The following MARCHF4 variants were observed in gnomAD, a reference collection of about 807,000 sequenced individuals.
MARCHF4 encodes E3 ubiquitin-protein ligase MARCHF4.
A neutral mutation model predicts 43.9 loss-of-function variants in MARCHF4; 14 were observed. The ratio of observed to expected loss-of-function variants is 0.32; its 90% CI spans 0.21 to 0.50. MARCHF4 has a LOEUF of 0.50. Among genes scored for constraint, MARCHF4 ranks in the 20% least tolerant of loss-of-function variants. The pLI, the probability that MARCHF4 is intolerant of heterozygous loss-of-function variation, is 0.98. For missense variants in MARCHF4, 468 were observed against 536.7 expected (o/e 0.87, Z 1.27); for synonymous variants, 226 against 213.3 (o/e 1.06, Z -0.52).
intron 2 of MARCHF4, among the ~76,000 whole-genome samples, chr2:216,281,400 G>C (rs1191713211): frequency 6.6e-6 from 1 of 152,192 alleles, no homozygotes; most frequent in East Asian, 1.9e-4. Context: ...TGAACCAGGA[G>C]GTAAGAGAAC....
intron 1 of MARCHF4, among the ~76,000 whole-genome samples, chr2:216,294,449 T>A (rs1022124978): frequency 3.3e-5 from 5 of 152,268 alleles, no homozygotes; most frequent in Non-Finnish European, 4.4e-5. Flanking sequence ...ACTTCACTAA[T>A]GTTCCGGATC....
intron 3 of MARCHF4, among the ~76,000 whole-genome samples, chr2:216,262,284 T>C (rs993852327): frequency 6.6e-6 from 1 of 152,182 alleles, no homozygotes; most frequent in African/African-American, 2.4e-5. Flanking sequence ...GTGAATCTAG[T>C]TACTGGTTGT....
intron 1 of MARCHF4, among the ~76,000 whole-genome samples, chr2:216,327,590 A>G (rs1692015890): frequency 6.6e-6 from 1 of 152,210 alleles, no homozygotes; most frequent in African/African-American, 2.4e-5. Context: ...TTCAGCGCTT[A>G]GCAACACTTA....
chr2:216,331,856 G>A (rs1559101513), intron 1 of MARCHF4, among the ~76,000 whole-genome samples: 1 of 151,998 alleles, frequency 6.6e-6, no homozygotes, highest in African/African-American at 2.4e-5. Flanking sequence ...AAACTCTTAA[G>A]GTAAAAATAA....
At chr2:216,289,237 GC>G (rs1219770448) in intron 1 of MARCHF4, among the ~76,000 whole-genome samples, 8 of 131,800 alleles carry the variant, frequency 6.1e-5, no homozygotes, top group Non-Finnish European at 9.4e-5. Flanking sequence ...TTCCCCACCC[GC>G]CCCCCACCCA....
chr2:216,270,516 C>G (rs1465750231), intron 3 of MARCHF4, among the ~76,000 whole-genome samples: 1 of 152,142 alleles, frequency 6.6e-6, no homozygotes, highest in Non-Finnish European at 1.5e-5. Flanking sequence ...AGGCCTCTCC[C>G]TCTTTCTACC....
At chr2:216,288,244 C>A (rs982464151) in intron 1 of MARCHF4, among the ~76,000 whole-genome samples, 1 of 152,180 alleles carries the variant, frequency 6.6e-6, no homozygotes, top group Non-Finnish European at 1.5e-5. Context: ...GGATTACAGG[C>A]GTGAGCCATT....
At chr2:216,348,210 T>C (rs558160527) in intron 1 of MARCHF4, among the ~76,000 whole-genome samples, 1 of 151,980 alleles carries the variant, frequency 6.6e-6, no homozygotes, top group East Asian at 1.9e-4. Flanking sequence ...GCTAATTTTG[T>C]ATTTTTAGTA....
At chr2:216,324,067 G>C (rs1469493656) in intron 1 of MARCHF4, among the ~76,000 whole-genome samples, 1 of 150,760 alleles carries the variant, frequency 6.6e-6, no homozygotes, top group African/African-American at 2.4e-5. Flanking sequence ...TAGACCGCTA[G>C]CAAGACTAAT....
At chr2:216,356,309 G>A (rs1296298643) in intron 1 of MARCHF4, among the ~76,000 whole-genome samples, 2 of 152,152 alleles carry the variant, frequency 1.3e-5, no homozygotes, top group Non-Finnish European at 1.5e-5. Context: ...CAATCTCAAA[G>A]CATGCAGTAT....
chr2:216,331,394 T>C (rs890786086), intron 1 of MARCHF4, among the ~76,000 whole-genome samples: 1 of 152,116 alleles, frequency 6.6e-6, no homozygotes, highest in African/African-American at 2.4e-5. Context: ...TAGGCACAAA[T>C]GGCTTCACTG....
intron 3 of MARCHF4, among the ~76,000 whole-genome samples, chr2:216,262,238 A>C (rs1690752902): frequency 6.6e-6 from 1 of 152,220 alleles, no homozygotes; most frequent in Non-Finnish European, 1.5e-5. Context: ...TCACTGTGTT[A>C]AGTATCCATT....
At chr2:216,263,183 T>C (rs1192935490) in intron 3 of MARCHF4, among the ~76,000 whole-genome samples, 1 of 152,186 alleles carries the variant, frequency 6.6e-6, no homozygotes, top group Non-Finnish European at 1.5e-5. Context: ...TCCCAGCACT[T>C]TGGGAGGCCG....
At chr2:216,315,067 G>T (rs187328202) in intron 1 of MARCHF4, among the ~76,000 whole-genome samples, 7 of 152,052 alleles carry the variant, frequency 4.6e-5, no homozygotes, top group Non-Finnish European at 2.9e-5. Flanking sequence ...GTCCTTACTA[G>T]ATTGAAAGTA....
intron 1 of MARCHF4, among the ~76,000 whole-genome samples, chr2:216,344,201 A>C (rs1168851875): frequency 6.6e-6 from 1 of 152,188 alleles, no homozygotes; most frequent in Admixed American, 6.5e-5. Context: ...ACTAAAACAG[A>C]AACTTCCCAA....
intron 3 of MARCHF4, among the ~76,000 whole-genome samples, chr2:216,261,944 G>A (rs1690748874): frequency 6.6e-6 from 1 of 152,200 alleles, no homozygotes; most frequent in Admixed American, 6.5e-5. Flanking sequence ...CAGAAAGAGT[G>A]CAGTGACTCT....
At chr2:216,259,893 T>A (rs941419873) in intron 3 of MARCHF4, 1 of 569,070 alleles carries the variant, frequency 1.8e-6, no homozygotes, top group Non-Finnish European at 3.1e-6. Context: ...GTTGAGCACC[T>A]TCAGGCAGTG....
intron 3 of MARCHF4, among the ~76,000 whole-genome samples, chr2:216,261,434 T>C (rs1690741728): frequency 6.6e-6 from 1 of 152,204 alleles, no homozygotes; most frequent in Admixed American, 6.5e-5. Context: ...TGTGGCTACA[T>C]TTAGGGCCCA....
At chr2:216,262,614 G>T (rs1424742227) in intron 3 of MARCHF4, among the ~76,000 whole-genome samples, 1 of 152,086 alleles carries the variant, frequency 6.6e-6, no homozygotes, top group African/African-American at 2.4e-5. Flanking sequence ...GAGGTGGTGT[G>T]GTTACTAGCA....
Sources: gnomAD v4.1 joint callset for allele counts (sites outside exome capture counted in the v4.1 genomes callset) on GRCh38, gnomAD v4.1.1 for gene constraint, MANE v1.5 for transcripts, NCBI Gene and HGNC (gene_info 2026-07-23, HGNC 2026-07-21) for gene names.